Variants in SGCZ observed in about 807,000 individuals in gnomAD.
The protein encoded by SGCZ is sarcoglycan zeta, also known as zeta-sarcoglycan.
A neutral mutation model predicts 41.3 loss-of-function variants in SGCZ; 40 were observed. The observed-to-expected ratio is 0.97, with a 90% CI of 0.75 to 1.26. SGCZ has a LOEUF of 1.26. Ranked by LOEUF, SGCZ falls within the 50% of genes most tolerant of loss-of-function variation. SGCZ has a pLI of 0.00. For missense variants in SGCZ, 552 were observed against 369.8 expected, an observed-to-expected ratio of 1.49 and a Z score of -4.04; for synonymous variants, 206 against 137.5, an observed-to-expected ratio of 1.50 and a Z score of -3.49.
chr8:14,790,477 TA>T (rs1351934053), intron 1 of SGCZ, among the ~76,000 whole-genome samples: 1 of 152,158 alleles, frequency 6.6e-6, no homozygotes, highest in Admixed American at 6.6e-5. Flanking sequence ...GTTTATAATC[TA>T]ACCCAATATT....
intron 1 of SGCZ, among the ~76,000 whole-genome samples, chr8:14,594,715 G>T (rs1307402753): frequency 6.6e-6 from 1 of 151,858 alleles, no homozygotes; most frequent in Non-Finnish European, 1.5e-5. Flanking sequence ...ATAACTGTCT[G>T]TGCGTTGGGG....
At chr8:14,540,415 G>C (rs960513167) in intron 2 of SGCZ, among the ~76,000 whole-genome samples, 1 of 149,520 alleles carries the variant, frequency 6.7e-6, no homozygotes, top group Admixed American at 6.7e-5. Context: ...TGAGTTTTTT[G>C]CTTTGTTTCT....
chr8:14,718,508 A>C (rs552018250), intron 1 of SGCZ, among the ~76,000 whole-genome samples: 11 of 152,242 alleles, frequency 7.2e-5, no homozygotes, highest in Non-Finnish European at 1.2e-4. Context: ...TATAAAGAAG[A>C]GTCTTATAAA....
At chr8:14,444,221 A>C (rs1800361083) in intron 2 of SGCZ, among the ~76,000 whole-genome samples, 1 of 152,150 alleles carries the variant, frequency 6.6e-6, no homozygotes, top group South Asian at 2.1e-4. Context: ...GTGGGACTGT[A>C]AACTAGTTCA....
intron 4 of SGCZ, among the ~76,000 whole-genome samples, chr8:14,191,391 C>CA (rs745663145): frequency 1.3e-5 from 2 of 152,132 alleles, no homozygotes; most frequent in Non-Finnish European, 2.9e-5. Context: ...TGACACTATC[C>CA]AAAAAATCAC....
rs367726552 is a variant in SGCZ, at chr8:14,830,896, A to G, written c.40-275970T>C. On this transcript the variant is annotated intron_variant, in intron 1 of 7. Transcript: ENST00000382080. Reference sequence around the variant, plus strand: ...GTGTTACAAGGAAGAAAAGGAAATTATCAGAGCTTTCTGGATCAAAGAAAA... The same window carrying G: ...GTGTTACAAGGAAGAAAAGGAAATTGTCAGAGCTTTCTGGATCAAAGAAAA... Among the ~76,000 whole-genome samples, 14 of 152,336 alleles carry G rather than the reference A, an allele frequency of 9.2e-5. No individual in the cohort carries two copies. The East Asian group carries it at 2.3e-3, about 25-fold the overall frequency.
At chr8:14,213,533 G>C (rs183077112) in intron 4 of SGCZ, among the ~76,000 whole-genome samples, 1 of 151,808 alleles carries the variant, frequency 6.6e-6, no homozygotes. Flanking sequence ...AGTAGATCTC[G>C]CCTTAAAGCA....
Position 14,291,930 on chromosome 8 carries a change from A to G in SGCZ, c.336+32173T>C, listed in dbSNP as rs544572687. 5.7e-4 allele frequency among the ~76,000 whole-genome samples: 87 copies of G among 152,120 alleles called. No individual in the cohort carries two copies. The Middle Eastern group carries it at 0.014, about 24-fold the overall frequency. On this transcript the variant is annotated intron_variant, in intron 3 of 7. Coordinates refer to ENST00000382080, the MANE Select transcript of SGCZ (RefSeq NM_139167.4). Reference sequence around the variant, plus strand: ...TTCTGAGTTTCTGTCTAAAAGCCCCAACTACTTTAATAACATATTCAGCCA... The same window carrying G: ...TTCTGAGTTTCTGTCTAAAAGCCCCGACTACTTTAATAACATATTCAGCCA...
chr8:15,204,393 T>C (rs914323924), intron 1 of SGCZ, among the ~76,000 whole-genome samples: 23 of 152,114 alleles, frequency 1.5e-4, no homozygotes, highest in Admixed American at 1.5e-3. Flanking sequence ...AATAGGAAAA[T>C]AGCATGAATT....
At chr8:14,161,390 T>A (rs944843996) in intron 5 of SGCZ, 1 of 152,230 alleles carries the variant, frequency 6.6e-6, no homozygotes, top group African/African-American at 2.4e-5. Context: ...TTTGTCTATG[T>A]GCCTATGTGT....
At chr8:15,225,519 C>T (rs905500201) in intron 1 of SGCZ, among the ~76,000 whole-genome samples, 1 of 152,110 alleles carries the variant, frequency 6.6e-6, no homozygotes, top group Non-Finnish European at 1.5e-5. Context: ...CGCACATGCA[C>T]GTGTTCACAT....
At chr8:14,125,515 A>AAAAG (rs1554462441) in intron 5 of SGCZ, among the ~76,000 whole-genome samples, 1 of 149,480 alleles carries the variant, frequency 6.7e-6, no homozygotes, top group African/African-American at 2.5e-5. Flanking sequence ...AAAAAAAAAA[A>AAAAG]AAGAAGAAGA....
intron 6 of SGCZ, among the ~76,000 whole-genome samples, chr8:14,102,862 ACTTACTAGTAT>A (rs964964836): frequency 2.6e-5 from 4 of 152,170 alleles, no homozygotes; most frequent in African/African-American, 4.8e-5. Context: ...CCAGTATATA[ACTTACTAGTAT>A]TAATGATGGA....
chr8:14,717,339 T>C (rs569002120), intron 1 of SGCZ, among the ~76,000 whole-genome samples: 2 of 152,258 alleles, frequency 1.3e-5, no homozygotes, highest in East Asian at 1.9e-4. Flanking sequence ...ATAAGTAAAA[T>C]ATATGTTTCC....
At chr8:14,319,855 A>G (rs530288441) in intron 3 of SGCZ, among the ~76,000 whole-genome samples, 27 of 152,222 alleles carry the variant, frequency 1.8e-4, no homozygotes, top group African/African-American at 6.0e-4. Context: ...GTCTGAAATT[A>G]AAACATGGAG....
In SGCZ at chr8:14,164,173, C is replaced by T. The variant is rs577910906; in HGVS notation, c.547+407G>A. On this transcript the variant is annotated intron_variant, in intron 5 of 7. Coordinates refer to ENST00000382080, the MANE Select transcript of SGCZ (RefSeq NM_139167.4). The stretch of plus-strand genomic sequence containing the variant: ...AGCCATATAAAATTAATTTAGTTTA[C>T]TTTTATTATAACTTCCCCCTTACTT... Among the ~76,000 whole-genome samples the T allele has an allele frequency of 2.6e-5, 4 of 152,186 alleles. 1 individual carries two copies. In the South Asian group the frequency reaches 6.2e-4, roughly 24 times the overall value.
chr8:15,192,488 T>C (rs1349576748), intron 1 of SGCZ, among the ~76,000 whole-genome samples: 3 of 152,170 alleles, frequency 2.0e-5, no homozygotes, highest in African/African-American at 7.2e-5. Flanking sequence ...TTTCTAGTCA[T>C]TGTAACTGAG....
chr8:14,508,776 T>G (rs1802382584), intron 2 of SGCZ, among the ~76,000 whole-genome samples: 1 of 152,180 alleles, frequency 6.6e-6, no homozygotes. Context: ...CCGTTTCACA[T>G]GTATTTATGT....
chr8:14,201,631 G>A (rs1042952701), intron 4 of SGCZ, among the ~76,000 whole-genome samples: 2 of 152,130 alleles, frequency 1.3e-5, no homozygotes, highest in Non-Finnish European at 1.5e-5. Flanking sequence ...AGTGTCAGGG[G>A]AGTGGATGCT....
Sources: gnomAD v4.1 joint callset for allele counts (sites outside exome capture counted in the v4.1 genomes callset) on GRCh38, gnomAD v4.1.1 for gene constraint, MANE v1.5 for transcripts, NCBI Gene and HGNC (gene_info 2026-07-23, HGNC 2026-07-21) for gene names.